PPP2R5A: variants seen among roughly 807,000 people sequenced by gnomAD.
PPP2R5A encodes the protein protein phosphatase 2 regulatory subunit B'alpha.
A neutral mutation model predicts 64.2 loss-of-function variants in PPP2R5A; 25 were observed. That is an observed-to-expected ratio of 0.39 (90% CI 0.28 to 0.54). PPP2R5A has a LOEUF of 0.54. PPP2R5A is among the 20% of genes least tolerant of loss of function. PPP2R5A has a pLI of 0.67. For synonymous variants in PPP2R5A, 198 were observed against 201.2 expected (o/e 0.98, Z 0.13); for missense variants, 425 against 576.3 (o/e 0.74, Z 2.69).
chr1:212,357,459 ATGTG>A (rs1325649293), intron 11 of PPP2R5A, 175 bp downstream of exon 11: 14 of 554,220 alleles, frequency 2.5e-5, no homozygotes, highest in Middle Eastern at 5.2e-4. Flanking sequence ...CAAGTTATAA[ATGTG>A]TGTGTTTGTT....
At position 212,357,471 on chromosome 1, in the gene PPP2R5A, G is replaced by T. The variant is rs1476052098; in HGVS notation, c.1226+187G>T. Reference sequence around the variant, plus strand: ...TATCAAGTTATAAATGTGTGTGTTTGTTCAGTATGTGGTCTTAATGTCAAT... The same window carrying T: ...TATCAAGTTATAAATGTGTGTGTTTTTTCAGTATGTGGTCTTAATGTCAAT... On this transcript the variant is annotated intron_variant, in intron 11 of 12. Coordinates refer to ENST00000261461, the MANE Select transcript of PPP2R5A (RefSeq NM_006243.4). 4.3e-5 allele frequency: 22 copies of T among 514,654 alleles called. No individual in the cohort carries two copies. In the East Asian group the frequency reaches 7.4e-4, roughly 17 times the overall value. 31.9% of individuals were successfully genotyped at this position (514,654 alleles called of 1,614,324 possible).
chr1:212,352,638 G>A (rs1276227501), intron 8 of PPP2R5A, among the ~76,000 whole-genome samples: 1 of 151,550 alleles, frequency 6.6e-6, no homozygotes, highest in Non-Finnish European at 1.5e-5. Flanking sequence ...TTTTGGTAAA[G>A]ATGAGATGGG....
At chr1:212,318,133 T>C (rs1659194439) in intron 1 of PPP2R5A, among the ~76,000 whole-genome samples, 1 of 152,240 alleles carries the variant, frequency 6.6e-6, no homozygotes, top group African/African-American at 2.4e-5. Context: ...GGCCCTTGGC[T>C]TGAGGCCATG....
Position 212,286,011 on chromosome 1 carries a change from CGAG to C in PPP2R5A, c.-99_-97del. On this transcript the variant is annotated 5_prime_UTR_variant, in exon 1 of 13. Transcript: ENST00000261461. ...GCCGTGGGGCCGGGGCGCAGGGGCGCGAGCACCCCGCGCCTCTCCCCCGCCTCC... is the reference window on the plus strand; with the variant it reads ...GCCGTGGGGCCGGGGCGCAGGGGCGCCACCCCGCGCCTCTCCCCCGCCTCC... 1 of 1,257,168 alleles carries C rather than the reference CGAG, an allele frequency of 8.0e-7. No homozygotes were observed. The highest frequency in any genetic ancestry group is 1.8e-5 in the South Asian group (1 of 54,442). The allele number at this position is 1,257,168 out of a possible 1,614,324, so 77.9% of individuals were successfully genotyped here. A position where few individuals can be genotyped will look rare whatever the true frequency, so the allele number is the denominator to read the frequency against.
intron 1 of PPP2R5A, 62 bp downstream of exon 1, chr1:212,286,353 C>T (rs908388708): frequency 1.1e-4 from 154 of 1,383,378 alleles, no homozygotes; most frequent in South Asian, 5.9e-4. Flanking sequence ...TGCCTCTGCG[C>T]CAGCAGAGCC....
intron 8 of PPP2R5A, among the ~76,000 whole-genome samples, chr1:212,355,671 GTTTT>G (rs751508509): frequency 1.4e-5 from 2 of 144,706 alleles, no homozygotes. Flanking sequence ...AATGATCTGG[GTTTT>G]TTTTTTTTAT....
intron 3 of PPP2R5A, among the ~76,000 whole-genome samples, chr1:212,336,707 A>G (rs922843130): frequency 1.3e-5 from 2 of 152,232 alleles, no homozygotes; most frequent in African/African-American, 4.8e-5. Flanking sequence ...TTTAGATGGA[A>G]TATTAAAACT....
chr1:212,348,302 C>T, intron 6 of PPP2R5A, 87 bp from the exon 7 acceptor site: 1 of 816,508 alleles, frequency 1.2e-6, no homozygotes, highest in Non-Finnish European at 2.1e-6. Context: ...AAGCATAGCA[C>T]TGTTCCTTAT....
At chr1:212,295,446 C>T (rs766262200) in intron 1 of PPP2R5A, among the ~76,000 whole-genome samples, 4 of 152,022 alleles carry the variant, frequency 2.6e-5, no homozygotes, top group East Asian at 1.9e-4. Flanking sequence ...AGTAGGAAGG[C>T]GGATTATTTG....
intron 2 of PPP2R5A, among the ~76,000 whole-genome samples, chr1:212,332,907 A>G (rs60811328): frequency 2.1e-5 from 3 of 145,444 alleles, no homozygotes; most frequent in Non-Finnish European, 4.5e-5. Flanking sequence ...TTTTATTTTT[A>G]TTTTTATTTT....
At position 212,358,709 on chromosome 1, in the gene PPP2R5A, A is replaced by G. The variant is rs761836623; in HGVS notation, c.1250A>G (p.Asn417Ser). The G allele has an allele frequency of 6.2e-6, 10 of 1,613,282 alleles. No individual in the cohort carries two copies. The Admixed American group carries it at 6.7e-5, about 11-fold the overall frequency. Residue 417 changes from asparagine to serine, a missense_variant, in exon 12 of 13, where the codon AAT becomes AGT. By Grantham distance (46) the Asn-to-Ser change is conservative. Coordinates refer to ENST00000261461, the MANE Select transcript of PPP2R5A (RefSeq NM_006243.4). The part of the protein sequence containing the change: ...WNPTIVALVY[N>S]VLKTLMEMNG... ...AGGACCATTGTAGCACTGGTATACA[A>G]TGTGCTGAAAACCCTAATGGAAATG...
chr1:212,331,167 CAAAAAA>C (rs10712005), intron 2 of PPP2R5A, among the ~76,000 whole-genome samples: 2 of 112,174 alleles, frequency 1.8e-5, no homozygotes, highest in Admixed American at 9.1e-5. Flanking sequence ...GACCTTGTCT[CAAAAAA>C]AAAAAAAAAA....
chr1:212,298,852 G>A (rs1169083970), intron 1 of PPP2R5A, among the ~76,000 whole-genome samples: 44 of 37,804 alleles, frequency 1.2e-3, no homozygotes, highest in South Asian at 1.6e-3. Flanking sequence ...CTCACCTCCC[G>A]GACGGGGCGG....
At chr1:212,300,055 C>T (rs1658771881) in intron 1 of PPP2R5A, among the ~76,000 whole-genome samples, 1 of 152,264 alleles carries the variant, frequency 6.6e-6, no homozygotes, top group South Asian at 2.1e-4. Context: ...CTCAAGTGAT[C>T]TGCCTGCCTC....
At chr1:212,324,607 T>C (rs1403263301) in intron 1 of PPP2R5A, among the ~76,000 whole-genome samples, 4 of 151,936 alleles carry the variant, frequency 2.6e-5, no homozygotes, top group Non-Finnish European at 5.9e-5. Context: ...TGATTAATTT[T>C]TTTTTTTTTT....
intron 3 of PPP2R5A, among the ~76,000 whole-genome samples, chr1:212,339,055 T>A (rs1047212658): frequency 6.6e-6 from 1 of 152,110 alleles, no homozygotes; most frequent in South Asian, 2.1e-4. Flanking sequence ...AAATAGAGAG[T>A]GACACTGGGA....
At chr1:212,320,710 T>C (rs1172411990) in intron 1 of PPP2R5A, among the ~76,000 whole-genome samples, 103 of 82,804 alleles carry the variant, frequency 1.2e-3, no homozygotes, top group Middle Eastern at 0.011. Context: ...CCCTCCCGGA[T>C]GGGGCGGCTG....
intron 1 of PPP2R5A, among the ~76,000 whole-genome samples, chr1:212,312,757 C>G (rs553930817): frequency 6.6e-6 from 1 of 151,916 alleles, no homozygotes; most frequent in Non-Finnish European, 1.5e-5. Flanking sequence ...ATTTAAAACC[C>G]CAACAGGGAA....
intron 1 of PPP2R5A, among the ~76,000 whole-genome samples, chr1:212,315,390 T>C (rs1326045234): frequency 6.6e-6 from 1 of 152,188 alleles, no homozygotes; most frequent in East Asian, 1.9e-4. Flanking sequence ...GAGAATGAGG[T>C]TTCATTTTCC....
Sources: allele counts gnomAD v4.1 joint callset (sites outside exome capture counted in the v4.1 genomes callset), GRCh38; gene constraint gnomAD v4.1.1; transcripts MANE v1.5; gene names NCBI Gene and HGNC (gene_info 2026-07-23, HGNC 2026-07-21).